Variants in UACA observed in about 807,000 individuals in gnomAD.
The protein encoded by UACA is uveal autoantigen with coiled-coil domains and ankyrin repeats.
In UACA, 112 loss-of-function variants were observed where a neutral mutation model predicts 160.5. The ratio of observed to expected loss-of-function variants is 0.70; its 90% confidence interval spans 0.60 to 0.82. The LOEUF is 0.82. Ranked by LOEUF, UACA falls within the 40% of genes least tolerant of loss-of-function variation. The probability of loss-of-function intolerance (pLI) is 0.00; values close to 1 mark genes in which losing one functional copy is unlikely to be tolerated. For missense variants in UACA, 1,574 were observed against 1,614.6 expected (o/e 0.97, Z 0.43); for synonymous variants, 557 against 568.4 (o/e 0.98, Z 0.29).
intron 1 of UACA, among the ~76,000 whole-genome samples, chr15:70,714,035 T>C (rs1898757691): frequency 6.6e-6 from 1 of 152,132 alleles, no homozygotes; most frequent in Non-Finnish European, 1.5e-5. Context: ...TTTAGGCAAA[T>C]TCCCCCAAAA....
At position 70,656,386 on chromosome 15, in the gene UACA, G is replaced by C. The variant is rs1896474402; in HGVS notation, c.*670C>G. On this transcript the variant is annotated 3_prime_UTR_variant, in exon 19 of 19. Transcript: ENST00000322954. ...ATTAAGATACTGTTGTAGAGATTAAGGCAATTTTATTATAAATTCCTGATA... is the reference window on the plus strand; with the variant it reads ...ATTAAGATACTGTTGTAGAGATTAACGCAATTTTATTATAAATTCCTGATA... 1 of 152,018 alleles carries C rather than the reference G, an allele frequency of 6.6e-6. No homozygotes were observed. Among genetic ancestry groups the C allele is most frequent in the East Asian group, 1.9e-4 (1 of 5,198 alleles). The allele number at this position is 152,018 out of a possible 1,614,324, so 9.4% of individuals were successfully genotyped here.
Position 70,690,494 on chromosome 15 carries a change from C to G in UACA, c.384G>C (p.Glu128Asp). ...CAGTTCTTCCCTGCAGGTCTGCATG[C>G]TCAGTGGGACAATTGTACTGTTAAA... is the stretch of plus-strand genomic sequence containing the variant. The part of the protein sequence containing the change: ...QKLLQYNCPT[E>D]HADLQGRTAL... The change falls in exon 5 of 19, where the codon GAG (glutamate) becomes GAC (aspartate). Residue 128 changes from glutamate to aspartate, a missense_variant. Glu to Asp is a conservative substitution (Grantham distance 45, BLOSUM62 2). Transcript: ENST00000322954. 6.2e-7 allele frequency: 1 copy of G among 1,612,928 alleles called. No homozygotes were observed. Among genetic ancestry groups the G allele is most frequent in the Non-Finnish European group, 8.5e-7 (1 of 1,179,444 alleles).
intron 1 of UACA, among the ~76,000 whole-genome samples, chr15:70,700,402 GA>G (rs1898312791): frequency 6.8e-6 from 1 of 147,564 alleles, no homozygotes; most frequent in South Asian, 2.1e-4. Flanking sequence ...CTTTTACATA[GA>G]AAAAACTAAA....
chr15:70,695,262 A>T (rs1228777373), intron 2 of UACA, among the ~76,000 whole-genome samples, 157 bp from the exon 3 acceptor site: 2 of 152,068 alleles, frequency 1.3e-5, no homozygotes, highest in Admixed American at 6.6e-5. Context: ...AATTAAAATT[A>T]AAAAAAGAAA....
intron 1 of UACA, among the ~76,000 whole-genome samples, chr15:70,754,812 C>T (rs1318420537): frequency 1.3e-5 from 2 of 152,116 alleles, no homozygotes; most frequent in Non-Finnish European, 2.9e-5. Flanking sequence ...ATTTTTAAGC[C>T]TGGAAGAGAC....
At chr15:70,661,402 C>G (rs901944102) in intron 17 of UACA, 1 of 152,140 alleles carries the variant, frequency 6.6e-6, no homozygotes, top group East Asian at 1.9e-4. Context: ...CCACTTAGCA[C>G]AGGGTCATGA....
At chr15:70,662,368 A>T (rs4265761) in intron 17 of UACA, among the ~76,000 whole-genome samples, 103,965 of 151,984 alleles carry the variant, frequency 0.68, 37,186 homozygotes, top group Admixed American at 0.8. Flanking sequence ...AAGAGGATAC[A>T]AACAAATGGG....
At chr15:70,776,585 G>C in the UACA span, among the ~76,000 whole-genome samples, 4 of 152,092 alleles carry the variant, frequency 2.6e-5, no homozygotes, top group Non-Finnish European at 4.4e-5. Flanking sequence ...ATGCCACCAT[G>C]CCTGGCTAAA....
At chr15:70,702,249 T>C in intron 1 of UACA, 1 of 1,070,730 alleles carries the variant, frequency 9.3e-7, no homozygotes, top group Non-Finnish European at 1.1e-6. Flanking sequence ...CTGGAAAACT[T>C]GAACAGCACT....
At chr15:70,704,185 C>T (rs72755483) in intron 1 of UACA, among the ~76,000 whole-genome samples, 2,757 of 152,244 alleles carry the variant, frequency 0.018, 41 homozygotes, top group Non-Finnish European at 0.025. Flanking sequence ...GATTCTCACC[C>T]ATCTTAAGAA....
chr15:70,756,227 C>A (rs1002053338), intron 1 of UACA, among the ~76,000 whole-genome samples: 1 of 151,692 alleles, frequency 6.6e-6, no homozygotes, highest in Non-Finnish European at 1.5e-5. Flanking sequence ...AGTGCAATGG[C>A]ATGATCTCAG....
rs1491091552 is a variant in UACA, at chr15:70,718,324, A to ATGTATGTGTGTGTG, written c.79-18665_79-18664insCACACACACATACA. The stretch of plus-strand genomic sequence containing the variant: ...AGAGGGAGAGGGAGAGAGAGAGAGA[A>ATGTATGTGTGTGTG]TGTGTGTGTGTGTGTGTGTGTGTGT... On this transcript the variant is annotated intron_variant, in intron 1 of 18. Coordinates refer to ENST00000322954, the MANE Select transcript of UACA (RefSeq NM_018003.4). 7.3e-4 allele frequency among the ~76,000 whole-genome samples: 44 copies of ATGTATGTGTGTGTG among 60,230 alleles called. 1 individual carries two copies. In the Admixed American group the frequency reaches 8.7e-3, roughly 12 times the overall value. The allele number at this position is 60,230 out of a possible 152,430, so 39.5% of individuals were successfully genotyped here. A position where few individuals can be genotyped will look rare whatever the true frequency, so the allele number is the denominator to read the frequency against.
intron 1 of UACA, among the ~76,000 whole-genome samples, chr15:70,757,057 C>T (rs753874441): frequency 3.9e-5 from 6 of 152,138 alleles, no homozygotes; most frequent in Non-Finnish European, 8.8e-5. Context: ...AAGTCCATCA[C>T]GGCAATTGGC....
intron 1 of UACA, among the ~76,000 whole-genome samples, chr15:70,718,322 GAA>G (rs1491139289): frequency 3.8e-4 from 48 of 127,262 alleles, no homozygotes; most frequent in African/African-American, 9.9e-4. Context: ...GAGAGAGAGA[GAA>G]TGTGTGTGTG....
upstream of UACA, among the ~76,000 whole-genome samples, chr15:70,764,930 C>A (rs868637739): frequency 6.6e-6 from 1 of 152,168 alleles, no homozygotes; most frequent in Non-Finnish European, 1.5e-5. Context: ...AGCTTCCCAG[C>A]CAGTCTCCCA....
At chr15:70,684,494 A>G (rs757743111) in intron 7 of UACA, 48 bp from the exon 8 acceptor site, 2 of 1,553,116 alleles carry the variant, frequency 1.3e-6, no homozygotes, top group South Asian at 2.5e-5. Context: ...CTCCAAGGAA[A>G]TATTGCAGAA....
chr15:70,714,757 G>A (rs967745280), intron 1 of UACA, among the ~76,000 whole-genome samples: 1 of 152,114 alleles, frequency 6.6e-6, no homozygotes, highest in African/African-American at 2.4e-5. Context: ...TTCTATTCTA[G>A]TCTGTTGTAC....
At chr15:70,771,879 G>A in the UACA span, among the ~76,000 whole-genome samples, 1 of 152,194 alleles carries the variant, frequency 6.6e-6, no homozygotes, top group African/African-American at 2.4e-5. Flanking sequence ...CATACTGAAG[G>A]CCAGTGTGGC....
chr15:70,696,466 A>G (rs1400329092), intron 2 of UACA, among the ~76,000 whole-genome samples: 1 of 152,218 alleles, frequency 6.6e-6, no homozygotes, highest in East Asian at 1.9e-4. Flanking sequence ...GATAGCTTAC[A>G]AATTCGTTTC....
Sources: allele counts gnomAD v4.1 joint callset (sites outside exome capture counted in the v4.1 genomes callset), GRCh38; gene constraint gnomAD v4.1.1; transcripts MANE v1.5; gene names NCBI Gene and HGNC (gene_info 2026-07-23, HGNC 2026-07-21).